Variants in FNDC3B observed in about 807,000 individuals in gnomAD.
FNDC3B encodes fibronectin type III domain-containing protein 3B.
Under a neutral mutation model 151.5 loss-of-function variants are expected in FNDC3B, and 12 were observed. The observed-to-expected ratio is 0.08, with a 90% CI of 0.05 to 0.13. The LOEUF (loss-of-function observed/expected upper bound fraction) is 0.13, where lower values mean the gene tolerates loss of function less well. FNDC3B is among the 10% of genes least tolerant of loss of function. The pLI is 1.00. For synonymous variants in FNDC3B, 528 were observed against 549.0 expected (o/e 0.96, Z 0.54); for missense variants, 1,214 against 1,505.3 (o/e 0.81, Z 3.20).
chr3:172,177,504 C>T (rs1351708868), intron 3 of FNDC3B, among the ~76,000 whole-genome samples: 2 of 151,980 alleles, frequency 1.3e-5, no homozygotes, highest in African/African-American at 4.8e-5. Flanking sequence ...TCTCAAACAT[C>T]TGTCTTGGAG....
At chr3:172,167,432 G>A (rs1486416986) in intron 3 of FNDC3B, among the ~76,000 whole-genome samples, 1 of 152,150 alleles carries the variant, frequency 6.6e-6, no homozygotes, top group African/African-American at 2.4e-5. Context: ...CAGTTTCACT[G>A]GTTCTGCCTG....
At chr3:172,198,382 G>A (rs1724960612) in intron 3 of FNDC3B, among the ~76,000 whole-genome samples, 1 of 152,076 alleles carries the variant, frequency 6.6e-6, no homozygotes. Flanking sequence ...ACTCACCATA[G>A]GTAATACACA....
At chr3:172,195,602 C>T (rs1042973028) in intron 3 of FNDC3B, among the ~76,000 whole-genome samples, 10 of 152,166 alleles carry the variant, frequency 6.6e-5, no homozygotes, top group Non-Finnish European at 2.9e-5. Context: ...ATCTCTATGC[C>T]TGGAGGTGCT....
At chr3:172,231,879 GTTTTT>G (rs33956893) in intron 4 of FNDC3B, among the ~76,000 whole-genome samples, 1 of 104,500 alleles carries the variant, frequency 9.6e-6, no homozygotes, top group African/African-American at 3.6e-5. Context: ...TTTATTTACC[GTTTTT>G]TTTTTTTTTT....
In FNDC3B at chr3:172,271,947, A is replaced by G. The variant is rs116020036; in HGVS notation, c.791-13979A>G. Among the ~76,000 whole-genome samples the G allele has an allele frequency of 1.6e-3, 241 of 152,328 alleles. 1 individual carries two copies. The highest frequency in any genetic ancestry group is 5.6e-3 in the African/African-American group (232 of 41,576). On this transcript the variant is annotated intron_variant, in intron 6 of 25. Transcript: ENST00000415807. ...GAGAAAACCTGGATTATGTAGCCTA[A>G]GATATGGTCTTGTTCTGGTAGAACA...
chr3:172,392,810 C>CTTTTTTTGT (rs1736080479), intron 25 of FNDC3B, among the ~76,000 whole-genome samples: 2 of 99,874 alleles, frequency 2.0e-5, no homozygotes, highest in African/African-American at 7.2e-5. Context: ...TTTTTTTTTT[C>CTTTTTTTGT]TTTTTTTTTT....
chr3:172,050,426 C>T (rs1441583598), intron 1 of FNDC3B, among the ~76,000 whole-genome samples: 1 of 151,854 alleles, frequency 6.6e-6, no homozygotes, highest in Admixed American at 6.6e-5. Context: ...CTCTGTCACC[C>T]AGGCTGGAGT....
At chr3:172,281,761 C>T (rs1273284086) in intron 6 of FNDC3B, among the ~76,000 whole-genome samples, 3 of 152,222 alleles carry the variant, frequency 2.0e-5, no homozygotes, top group African/African-American at 7.2e-5. Context: ...GAAACAAAAA[C>T]CAGACAGAGT....
intron 7 of FNDC3B, among the ~76,000 whole-genome samples, chr3:172,288,542 G>T (rs779918702): frequency 9.9e-5 from 15 of 152,204 alleles, no homozygotes; most frequent in Non-Finnish European, 1.9e-4. Flanking sequence ...GTCCTATAAA[G>T]CTGGAGTTGT....
chr3:172,145,146 T>C (rs1721836728), intron 3 of FNDC3B, among the ~76,000 whole-genome samples: 1 of 152,164 alleles, frequency 6.6e-6, no homozygotes, highest in South Asian at 2.1e-4. Context: ...GTGGAGCCAG[T>C]TTTAAACACC....
chr3:172,247,459 G>C (rs1727837118), intron 4 of FNDC3B, 74 bp from the exon 5 acceptor site: 4 of 1,448,426 alleles, frequency 2.8e-6, no homozygotes, highest in East Asian at 4.6e-5. Context: ...AATTAAAGTG[G>C]AAGTTATTAA....
chr3:172,329,363 T>A (rs546389059), intron 12 of FNDC3B: 225 of 328,024 alleles, frequency 6.9e-4, no homozygotes, highest in Non-Finnish European at 1.0e-3. Flanking sequence ...CTCTTGGAGC[T>A]TTAATTTTTT....
chr3:172,145,900 G>A (rs1024062085), intron 3 of FNDC3B, among the ~76,000 whole-genome samples: 1 of 137,668 alleles, frequency 7.3e-6, no homozygotes, highest in Non-Finnish European at 1.5e-5. Flanking sequence ...TGCAACCTCC[G>A]CCACCCGGGT....
intron 3 of FNDC3B, among the ~76,000 whole-genome samples, chr3:172,167,350 G>A (rs925688270): frequency 1.3e-5 from 2 of 152,044 alleles, no homozygotes; most frequent in Non-Finnish European, 2.9e-5. Context: ...GAGCCAAGAC[G>A]GCACCACTGC....
rs558776138 is a variant in FNDC3B at position 172,194,748 on chromosome 3, TA to T, written c.188-32118del. 2.8e-3 allele frequency among the ~76,000 whole-genome samples: 433 copies of T among 152,348 alleles called. 1 individual carries two copies. The highest frequency in any genetic ancestry group is 5.0e-3 in the Non-Finnish European group (342 of 68,034). ...TTCAGAGGTGAATCACAAGTGGCATTAAAAATGTATTTTTCTTGTTACCTGG... is the reference window on the plus strand; with the variant it reads ...TTCAGAGGTGAATCACAAGTGGCATTAAAATGTATTTTTCTTGTTACCTGG... On this transcript the variant is annotated intron_variant, in intron 3 of 25. Transcript: ENST00000415807.
chr3:172,294,001 G>C (rs777973962), intron 7 of FNDC3B, among the ~76,000 whole-genome samples: 3 of 152,192 alleles, frequency 2.0e-5, no homozygotes, highest in Non-Finnish European at 4.4e-5. Context: ...TTTAGCGTCT[G>C]TATTGTCTTT....
intron 21 of FNDC3B, among the ~76,000 whole-genome samples, chr3:172,348,601 T>C (rs765022945): frequency 4.7e-4 from 71 of 152,326 alleles, no homozygotes; most frequent in Non-Finnish European, 8.5e-4. Context: ...CTTCACTCCA[T>C]TATGGTTTTT....
Position 172,251,425 on chromosome 3 carries a change from A to T in FNDC3B, c.674A>T (p.Tyr225Phe). The T allele has an allele frequency of 4.3e-6, 7 of 1,614,076 alleles. No individual in the cohort carries two copies. Among genetic ancestry groups the T allele is most frequent in the Non-Finnish European group, 4.2e-6 (5 of 1,179,962 alleles). Reference protein sequence around the residue: ...KSSCTTVYNGYGKGHSGGSGG... With the variant: ...KSSCTTVYNGFGKGHSGGSGG... The stretch of plus-strand genomic sequence containing the variant: ...AGCTGCACAACAGTATACAATGGCT[A>T]TGGGAAGGGCCATAGTGGTGGAAGT... The change falls in exon 6 of 26, where the codon TAT becomes TTT. Residue 225 changes from tyrosine (Y) to phenylalanine (F), a missense_variant. By Grantham distance (22) the Tyr-to-Phe change is conservative. Around this residue, in one of 7 missense-constraint regions of FNDC3B, gnomAD observed 166 missense variants for 173.2 expected, o/e 0.96. Transcript: ENST00000415807.
chr3:172,071,143 A>C (rs79482056), intron 1 of FNDC3B, among the ~76,000 whole-genome samples: 2,349 of 152,296 alleles, frequency 0.015, 62 homozygotes, highest in African/African-American at 0.053. Flanking sequence ...TTAAAAAATA[A>C]GACACTTCAT....
Sources: allele counts gnomAD v4.1 joint callset (sites outside exome capture counted in the v4.1 genomes callset), GRCh38; gene constraint gnomAD v4.1.1; regional missense constraint gnomAD v4.1.1; transcripts MANE v1.5; gene names NCBI Gene and HGNC (gene_info 2026-07-23, HGNC 2026-07-21).